SEPTIN10: variants seen among roughly 807,000 people sequenced by gnomAD.
SEPTIN10 encodes the protein septin 10, also known as septin-10.
Under a neutral mutation model 54.8 loss-of-function variants are expected in SEPTIN10, and 66 were observed. The observed-to-expected ratio is 1.21, with a 90% confidence interval of 0.99 to 1.48. The LOEUF is 1.48. Ranked by LOEUF, SEPTIN10 falls within the 40% of genes most tolerant of loss-of-function variation. SEPTIN10 has a pLI of 0.00. For missense variants in SEPTIN10, 620 were observed against 545.6 expected (o/e 1.14, Z -1.36); for synonymous variants, 161 against 181.0 (o/e 0.89, Z 0.89).
chr2:109,552,926 A>G (rs1683351233), intron 9 of SEPTIN10, 161 bp downstream of exon 9: 1 of 777,074 alleles, frequency 1.3e-6, no homozygotes, highest in Non-Finnish European at 2.0e-6. Context: ...ATTTCAGGCT[A>G]TGATTCTAAG....
chr2:109,592,008 T>C (rs1378559106), intron 2 of SEPTIN10, among the ~76,000 whole-genome samples: 2 of 152,192 alleles, frequency 1.3e-5, no homozygotes, highest in Non-Finnish European at 1.5e-5. Flanking sequence ...TATTTTTAAA[T>C]ACAAATTTCA....
chr2:109,585,817 A>G lies in SEPTIN10; in HGVS notation c.121T>C (p.Leu41=). ...AAACCAACATGGCCAGACATAGTCA[A>G]CGAACGAATGTTTTCTCTTTTCTGA... ...EQIKRENIRS[L]TMSGHVGFES... is the part of the protein sequence containing the mutation. The change falls in exon 3 of 11, where the codon TTG becomes CTG. Residue 41 remains leucine (L), a synonymous_variant. Transcript: ENST00000397712. The G allele has an allele frequency of 6.2e-7, 1 of 1,613,996 alleles. No homozygotes were observed. Among genetic ancestry groups the G allele is most frequent in the Non-Finnish European group, 8.5e-7 (1 of 1,179,892 alleles).
chr2:109,565,732 C>T, intron 7 of SEPTIN10, 31 bp downstream of exon 7: 1 of 1,519,166 alleles, frequency 6.6e-7, no homozygotes, highest in East Asian at 2.3e-5. Context: ...TAGATAGATA[C>T]ATATTTCTAG....
intron 10 of SEPTIN10, chr2:109,544,887 G>A (rs11541143): frequency 0.45 from 403,514 of 893,754 alleles, 93,773 homozygotes; most frequent in African/African-American, 0.7. Flanking sequence ...TGGAGAGCTT[G>A]CATTGAAAGA....
Position 109,585,822 on chromosome 2 carries a change from C to T in SEPTIN10, c.116G>A (p.Arg39His), listed in dbSNP as rs371041273. The change falls in exon 3 of 11, where the codon CGT becomes CAT. Residue 39 changes from arginine (R) to histidine (H), a missense_variant. Arg to His is a conservative substitution (Grantham distance 29). Coordinates refer to ENST00000397712, the MANE Select transcript of SEPTIN10 (RefSeq NM_144710.5). ...DDEQIKRENI[R>H]SLTMSGHVGF... ...AACATGGCCAGACATAGTCAACGAACGAATGTTTTCTCTTTTCTGAAGGAA... is the reference window on the plus strand; with the variant it reads ...AACATGGCCAGACATAGTCAACGAATGAATGTTTTCTCTTTTCTGAAGGAA... The T allele has an allele frequency of 1.6e-4, 256 of 1,613,372 alleles. No homozygotes were observed. Among genetic ancestry groups the T allele is most frequent in the East Asian group, 2.0e-4 (9 of 44,840 alleles).
At chr2:109,607,246 T>C (rs58958362) in intron 1 of SEPTIN10, among the ~76,000 whole-genome samples, 9,826 of 152,254 alleles carry the variant, frequency 0.065, 753 homozygotes, top group East Asian at 0.24. Context: ...ACAGTCTCCA[T>C]AGAAACAATA....
intron 7 of SEPTIN10, 81 bp from the exon 8 acceptor site, chr2:109,564,615 TA>T: frequency 8.1e-7 from 1 of 1,229,602 alleles, no homozygotes; most frequent in Admixed American, 3.0e-5. Context: ...AATGAACAAA[TA>T]AATGAAAACA....
intron 5 of SEPTIN10, among the ~76,000 whole-genome samples, chr2:109,570,715 G>T (rs1038734821): frequency 6.6e-6 from 1 of 151,880 alleles, no homozygotes; most frequent in African/African-American, 2.4e-5. Flanking sequence ...GTAGAGATGG[G>T]GTTTCACTGT....
At chr2:109,555,784 G>A (rs1370498970) in intron 8 of SEPTIN10, among the ~76,000 whole-genome samples, 1 of 152,146 alleles carries the variant, frequency 6.6e-6, no homozygotes, top group African/African-American at 2.4e-5. Context: ...AGCTTGGGGC[G>A]GCTGCCTTTG....
chr2:109,549,943 G>A (rs1392798305), intron 9 of SEPTIN10, among the ~76,000 whole-genome samples: 2 of 152,306 alleles, frequency 1.3e-5, no homozygotes, highest in South Asian at 2.1e-4. Flanking sequence ...CATACTGAGT[G>A]TAAAGGGGGA....
chr2:109,604,404 A>AGGGGAGGGGCG (rs1324305228), intron 1 of SEPTIN10, among the ~76,000 whole-genome samples: 1 of 106,308 alleles, frequency 9.4e-6, no homozygotes, highest in Non-Finnish European at 2.1e-5. Context: ...CGGGGCGGGG[A>AGGGGAGGGGCG]GAAAAGAAAG....
rs904846976 is a variant in SEPTIN10 at position 109,613,920 on chromosome 2, G to A, written c.-93C>T. 4.1e-6 allele frequency: 5 copies of A among 1,220,144 alleles called. No individual in the cohort carries two copies. In the African/African-American group the frequency reaches 4.7e-5, roughly 11 times the overall value. The allele number at this position is 1,220,144 out of a possible 1,614,324, so 75.6% of individuals were successfully genotyped here. ...GCGGCGGGAAGGCCGGAGGGCAGAAGCAACGGGCGGGGCGCGAGGCTAGGC... is the reference window on the plus strand; with the variant it reads ...GCGGCGGGAAGGCCGGAGGGCAGAAACAACGGGCGGGGCGCGAGGCTAGGC... On this transcript the variant is annotated 5_prime_UTR_variant, in exon 1 of 11. Coordinates refer to ENST00000397712, the MANE Select transcript of SEPTIN10 (RefSeq NM_144710.5).
At chr2:109,589,083 C>T (rs372433222) in intron 2 of SEPTIN10, among the ~76,000 whole-genome samples, 4 of 152,102 alleles carry the variant, frequency 2.6e-5, no homozygotes, top group Admixed American at 6.5e-5. Flanking sequence ...GGCGCCACCA[C>T]GCCTGGGTAA....
chr2:109,606,697 T>TTTTA, intron 1 of SEPTIN10, among the ~76,000 whole-genome samples: 1 of 99,498 alleles, frequency 1.0e-5, no homozygotes, highest in Non-Finnish European at 2.2e-5. Flanking sequence ...TTTTTTTTTT[T>TTTTA]GAGATGGAGT....
At chr2:109,600,456 T>C (rs1489406763) in intron 1 of SEPTIN10, among the ~76,000 whole-genome samples, 1 of 152,008 alleles carries the variant, frequency 6.6e-6, no homozygotes, top group African/African-American at 2.4e-5. Context: ...TAGAATATAA[T>C]TCCTGTTCCA....
At chr2:109,613,734 G>A (rs2106422463) in intron 1 of SEPTIN10, 64 bp downstream of exon 1, 1 of 1,094,870 alleles carries the variant, frequency 9.1e-7, no homozygotes, top group Non-Finnish European at 1.2e-6. Flanking sequence ...GGTGGGTCGA[G>A]GGCGGGAAGT....
intron 4 of SEPTIN10, among the ~76,000 whole-genome samples, chr2:109,577,213 T>C (rs2105510240): frequency 6.6e-6 from 1 of 152,260 alleles, no homozygotes; most frequent in South Asian, 2.1e-4. Flanking sequence ...CCAACTAAAA[T>C]TTCAAGTATG....
At chr2:109,552,160 G>T (rs28379697) in intron 9 of SEPTIN10, among the ~76,000 whole-genome samples, 54,370 of 152,084 alleles carry the variant, frequency 0.36, 11,368 homozygotes, top group Middle Eastern at 0.56. Context: ...AATGCCTGAT[G>T]ATCTGAGCTG....
chr2:109,572,811 T>C (rs1436710671), intron 5 of SEPTIN10, among the ~76,000 whole-genome samples: 1 of 151,758 alleles, frequency 6.6e-6, no homozygotes, highest in African/African-American at 2.4e-5. Flanking sequence ...GAGACAAGGT[T>C]TCACTATGTT....
Sources: gnomAD v4.1 joint callset for allele counts (sites outside exome capture counted in the v4.1 genomes callset) on GRCh38, gnomAD v4.1.1 for gene constraint, MANE v1.5 for transcripts, NCBI Gene and HGNC (gene_info 2026-07-23, HGNC 2026-07-21) for gene names.